UMODL1: variants seen among roughly 807,000 people sequenced by gnomAD.
UMODL1 encodes uromodulin like 1, also known as uromodulin-like 1.
UMODL1 carries 128 observed loss-of-function variants against 136.3 expected under a neutral mutation model. The observed-to-expected ratio is 0.94, with a 90% CI of 0.81 to 1.09. The LOEUF is 1.09. Ranked by LOEUF, UMODL1 falls within the 50% of genes least tolerant of loss-of-function variation. The pLI, the probability that UMODL1 is intolerant of heterozygous loss-of-function variation, is 0.00. For synonymous variants in UMODL1, 721 were observed against 720.0 expected, an observed-to-expected ratio of 1.00 and a Z score of -0.02; for missense variants, 1,766 against 1,725.6, an observed-to-expected ratio of 1.02 and a Z score of -0.41.
rs1345533748 is a variant in UMODL1, at chr21:42,085,915, AC to A, written c.603+507del. 6.6e-6 allele frequency among the ~76,000 whole-genome samples: 1 copy of A among 152,088 alleles called. No individual in the cohort carries two copies. Among genetic ancestry groups the A allele is most frequent in the Non-Finnish European group, 1.5e-5 (1 of 68,006 alleles). ...GCCTCTCCACACAAGTCAGAAGCACACCCCAGGGTGGCATCCAAAACTGTCT... is the reference window on the plus strand; with the variant it reads ...GCCTCTCCACACAAGTCAGAAGCACACCCAGGGTGGCATCCAAAACTGTCT... On this transcript the variant is annotated intron_variant, in intron 4 of 22. Coordinates refer to ENST00000408910, the MANE Select transcript of UMODL1 (RefSeq NM_001004416.3). This position sits in a 1 kb window ranked among gnomAD's most constrained non-coding sequence, Gnocchi z 4.5.
chr21:42,139,717 G>T (rs9981687), intron 22 of UMODL1, among the ~76,000 whole-genome samples: 4 of 151,876 alleles, frequency 2.6e-5, no homozygotes, highest in Non-Finnish European at 4.4e-5. Flanking sequence ...GCTGGGATTC[G>T]CATCTTAAAT....
intron 21 of UMODL1, among the ~76,000 whole-genome samples, chr21:42,132,228 CCATCCATCTATCCATTGGT>C (rs1374498691): frequency 6.6e-6 from 1 of 152,014 alleles, no homozygotes; most frequent in Admixed American, 6.6e-5. Flanking sequence ...TATCATCCAT[CCATCCATCTATCCATTGGT>C]CATCCATCTA....
rs201145140 is a variant in UMODL1 at position 42,084,248 on chromosome 21, A to T, written c.481+3A>T. 1.5e-3 allele frequency: 2,445 copies of T among 1,611,174 alleles called. 1 individual carries two copies. Among genetic ancestry groups the T allele is most frequent in the Non-Finnish European group, 2.0e-3 (2,319 of 1,179,320 alleles). On this transcript the variant is annotated splice_donor_region_variant and intron_variant, in intron 3 of 22. Coordinates refer to ENST00000408910, the MANE Select transcript of UMODL1 (RefSeq NM_001004416.3). ...CTGCATGGCCCCTGCACCCCAAGGT[A>T]GGCTGCTGCGGGCCATGCTTATGGA...
chr21:42,069,091 C>T (rs958421568), upstream of UMODL1, among the ~76,000 whole-genome samples: 2 of 152,282 alleles, frequency 1.3e-5, no homozygotes, highest in East Asian at 1.9e-4. Context: ...TGGTGGGTTA[C>T]AGTATGGGGT....
At chr21:42,135,372 G>A (rs1898686916) in intron 21 of UMODL1, among the ~76,000 whole-genome samples, 1 of 152,208 alleles carries the variant, frequency 6.6e-6, no homozygotes, top group Non-Finnish European at 1.5e-5. Context: ...CTGGCCTGTG[G>A]ACCCCCTGTG....
At chr21:42,132,089 G>A (rs2067141131) in intron 21 of UMODL1, among the ~76,000 whole-genome samples, 1 of 152,116 alleles carries the variant, frequency 6.6e-6, no homozygotes, top group South Asian at 2.1e-4. Context: ...GAGCTGTATG[G>A]TTCATCCATC....
intron 6 of UMODL1, among the ~76,000 whole-genome samples, chr21:42,098,022 G>A (rs749617991): frequency 7.9e-5 from 12 of 152,328 alleles, no homozygotes; most frequent in South Asian, 2.1e-4. Context: ...AGAAGTTCTC[G>A]TGCAAATGAT....
At position 42,110,751 on chromosome 21, in the gene UMODL1, C is replaced by A. The variant is rs2066809388; in HGVS notation, c.1658-129C>A. ...AAACACTCCTGAACGCTGGCGCCCG[C>A]CTGCGTCCCTGGCCAGGTCCACTCC... On this transcript the variant is annotated intron_variant, in intron 10 of 22. Coordinates refer to ENST00000408910, the MANE Select transcript of UMODL1 (RefSeq NM_001004416.3). 7 of 924,168 alleles carry A rather than the reference C, an allele frequency of 7.6e-6. No homozygotes were observed. The South Asian group carries it at 1.1e-4, about 14-fold the overall frequency. The allele number at this position is 924,168 out of a possible 1,614,324, so 57.2% of individuals were successfully genotyped here.
chr21:42,092,595 A>G (rs1193004627), intron 6 of UMODL1, among the ~76,000 whole-genome samples: 1 of 152,216 alleles, frequency 6.6e-6, no homozygotes, highest in Non-Finnish European at 1.5e-5. Flanking sequence ...GTTGCTTTCA[A>G]GAGTCTGGAA....
chr21:42,137,387 G>T, intron 21 of UMODL1, 52 bp from the exon 22 acceptor site: 7 of 1,599,624 alleles, frequency 4.4e-6, no homozygotes, highest in East Asian at 2.2e-5. Context: ...TTGCTCTATC[G>T]CATTCCTCCC....
At chr21:42,094,382 C>T (rs891355489) in intron 6 of UMODL1, among the ~76,000 whole-genome samples, 2 of 152,210 alleles carry the variant, frequency 1.3e-5, no homozygotes, top group Admixed American at 6.5e-5. Flanking sequence ...GACTGTCAGA[C>T]GTGGAGAACC....
intron 9 of UMODL1, among the ~76,000 whole-genome samples, chr21:42,106,798 G>T (rs1005169965): frequency 5.9e-5 from 9 of 152,282 alleles, no homozygotes; most frequent in African/African-American, 1.9e-4. Flanking sequence ...ACTCACTGTG[G>T]GATGCTGCAC....
intron 6 of UMODL1, among the ~76,000 whole-genome samples, chr21:42,092,984 C>A (rs2066509981): frequency 6.6e-6 from 1 of 152,220 alleles, no homozygotes; most frequent in Admixed American, 6.5e-5. Context: ...TAGGAGCCCT[C>A]TGGCGGGGAC....
At chr21:42,067,942 A>G (rs901961787), upstream of UMODL1, among the ~76,000 whole-genome samples, 1 of 152,238 alleles carries the variant, frequency 6.6e-6, no homozygotes, top group African/African-American at 2.4e-5. Flanking sequence ...CTTCAAAGGT[A>G]AACAGAAACA....
chr21:42,071,369 C>A lies in UMODL1; in HGVS notation c.53C>A (p.Pro18Gln), dbSNP rs1281007371. The change falls in exon 1 of 23, where the codon CCA becomes CAA. Residue 18 changes from proline (P) to glutamine (Q), a missense_variant. By Grantham distance (76) the Pro-to-Gln change is moderately conservative. Transcript: ENST00000408910. ...CTGGCTCTGGTCAGTGCTGTGGGCCCAAGCCAGGCCAGCGGCTTCACAGGT... is the reference window on the plus strand; with the variant it reads ...CTGGCTCTGGTCAGTGCTGTGGGCCAAAGCCAGGCCAGCGGCTTCACAGGT... Reference protein sequence around the residue: ...ALLALVSAVGPSQASGFTEKG... With the variant: ...ALLALVSAVGQSQASGFTEKG... 1.9e-5 allele frequency: 31 copies of A among 1,594,328 alleles called. No homozygotes were observed. The highest frequency in any genetic ancestry group is 2.5e-5 in the Non-Finnish European group (29 of 1,171,028).
At position 42,127,663 on chromosome 21, in the gene UMODL1, T is replaced by C. The variant is rs1441554838; in HGVS notation, c.3531-9T>C. On this transcript the variant is annotated splice_polypyrimidine_tract_variant and intron_variant, in intron 19 of 22. Transcript: ENST00000408910. ...GACAAGCAAGGAGTCCCATTTCCTC[T>C]CTTCTCAGCTGCCCTGTGCCCAACA... is the stretch of plus-strand genomic sequence containing the variant. 4 of 1,608,990 alleles carry C rather than the reference T, an allele frequency of 2.5e-6. No individual in the cohort carries two copies. The highest frequency in any genetic ancestry group is 3.4e-6 in the Non-Finnish European group (4 of 1,178,304).
At chr21:42,071,238 C>T, upstream of UMODL1, 5 of 1,371,724 alleles carry the variant, frequency 3.6e-6, no homozygotes, top group African/African-American at 1.5e-5. Context: ...CAGCTCAGGC[C>T]CCTATGAGCC....
chr21:42,099,826 A>G lies in UMODL1; in HGVS notation c.1186+646A>G, dbSNP rs565215004. Among the ~76,000 whole-genome samples, 26 of 152,288 alleles carry G rather than the reference A, an allele frequency of 1.7e-4. No individual in the cohort carries two copies. Among genetic ancestry groups the G allele is most frequent in the Non-Finnish European group, 2.6e-4 (18 of 68,016 alleles). The stretch of plus-strand genomic sequence containing the variant: ...CTCCCTAGTAGCTGGGACCACAGGC[A>G]CACACCACCACACCAGGCTAAATTT... On this transcript the variant is annotated intron_variant, in intron 7 of 22. Transcript: ENST00000408910. The surrounding 1 kb of genome is among the most constrained non-coding windows in gnomAD (Gnocchi z 4.1).
At chr21:42,089,976 G>T (rs2066471112) in intron 5 of UMODL1, among the ~76,000 whole-genome samples, 1 of 152,204 alleles carries the variant, frequency 6.6e-6, no homozygotes, top group Admixed American at 6.5e-5. Context: ...CTTGGGGTGG[G>T]ATGTTTTGGC....
Sources: allele counts gnomAD v4.1 joint callset (sites outside exome capture counted in the v4.1 genomes callset), GRCh38; gene constraint gnomAD v4.1.1; non-coding constraint Gnocchi (gnomAD v3.1); transcripts MANE v1.5; gene names NCBI Gene and HGNC (gene_info 2026-07-23, HGNC 2026-07-21).